The following ASIC2 variants were observed in gnomAD, a reference collection of about 807,000 sequenced individuals.
ASIC2 encodes acid sensing ion channel subunit 2, also known as acid-sensing ion channel 2.
ASIC2 carries 25 observed loss-of-function variants against 57.3 expected under a neutral mutation model. That is an observed-to-expected ratio of 0.44 (90% confidence interval 0.32 to 0.61). The LOEUF (loss-of-function observed/expected upper bound fraction) is 0.61. ASIC2 is among the 20% of genes least tolerant of loss of function. The pLI, the probability that ASIC2 is intolerant of heterozygous loss-of-function variation, is 0.06. For synonymous variants in ASIC2, 319 were observed against 307.5 expected (o/e 1.04, Z -0.39); for missense variants, 641 against 738.1 (o/e 0.87, Z 1.52).
At chr17:34,100,676 C>T (rs1403204613) in intron 1 of ASIC2, among the ~76,000 whole-genome samples, 1 of 152,186 alleles carries the variant, frequency 6.6e-6, no homozygotes, top group African/African-American at 2.4e-5. Flanking sequence ...TGAGGGCTCC[C>T]AGGAACCAAG....
intron 1 of ASIC2, among the ~76,000 whole-genome samples, chr17:33,288,756 ACAC>A (rs1399822460): frequency 1.4e-5 from 2 of 148,010 alleles, no homozygotes; most frequent in East Asian, 2.0e-4. Flanking sequence ...ACACACACAC[ACAC>A]AACTAATATG....
chr17:34,095,635 A>ATATATATATATATATAATTT (rs1910500160), intron 1 of ASIC2, among the ~76,000 whole-genome samples: 4 of 98,024 alleles, frequency 4.1e-5, no homozygotes, highest in Admixed American at 9.8e-5. Context: ...ATATAATTTT[A>ATATATATATATATATAATTT]TATATATATA....
At chr17:33,111,551 G>A (rs1029387041) in intron 2 of ASIC2, among the ~76,000 whole-genome samples, 14 of 152,022 alleles carry the variant, frequency 9.2e-5, no homozygotes, top group African/African-American at 1.9e-4. Context: ...TAATTGGGTC[G>A]GGATATTCAG....
chr17:33,764,482 G>C (rs1414271175), intron 1 of ASIC2, among the ~76,000 whole-genome samples: 2 of 152,130 alleles, frequency 1.3e-5, no homozygotes. Flanking sequence ...TCTTACAGCT[G>C]TGGAGGCTGG....
chr17:33,675,628 G>A (rs1253954971), intron 1 of ASIC2, among the ~76,000 whole-genome samples: 1 of 152,172 alleles, frequency 6.6e-6, no homozygotes, highest in African/African-American at 2.4e-5. Context: ...CTGGAGTGCA[G>A]TGGTGCAATC....
intron 1 of ASIC2, among the ~76,000 whole-genome samples, chr17:33,573,497 G>A (rs2141993464): frequency 6.6e-6 from 1 of 152,260 alleles, no homozygotes; most frequent in South Asian, 2.1e-4. Context: ...TATGCTTCCA[G>A]CACATGTGGG....
intron 1 of ASIC2, among the ~76,000 whole-genome samples, chr17:33,551,208 A>G (rs1483253683): frequency 2.0e-5 from 3 of 152,228 alleles, no homozygotes; most frequent in Admixed American, 2.0e-4. Context: ...ATGTATGCTG[A>G]TCTAGCATTA....
At chr17:33,959,264 A>T (rs199650274) in intron 1 of ASIC2, among the ~76,000 whole-genome samples, 1 of 152,310 alleles carries the variant, frequency 6.6e-6, no homozygotes, top group African/African-American at 2.4e-5. Context: ...CCTGTTACTC[A>T]GTTCCAAAGT....
chr17:33,096,946 G>A (rs1399403354), intron 2 of ASIC2, among the ~76,000 whole-genome samples: 1 of 152,200 alleles, frequency 6.6e-6, no homozygotes, highest in Non-Finnish European at 1.5e-5. Context: ...TCAGAGGCCA[G>A]CTAACCATTT....
In ASIC2 at chr17:33,447,047, G is replaced by A. The variant is rs115438696; in HGVS notation, c.556-334980C>T. ...CCTGCTGCAGACGCTTTGAGCCTGA[G>A]AATAACAGCTAAACAAATTTATGGT... On this transcript the variant is annotated intron_variant, in intron 1 of 9. Coordinates refer to the ASIC2 transcript ENST00000359872. Among the ~76,000 whole-genome samples, 742 of 152,316 alleles carry A rather than the reference G, an allele frequency of 4.9e-3. 3 individuals are homozygous for A. The highest frequency in any genetic ancestry group is 0.017 in the African/African-American group (716 of 41,560).
chr17:33,550,761 G>T (rs1305918866), intron 1 of ASIC2, among the ~76,000 whole-genome samples: 11 of 152,182 alleles, frequency 7.2e-5, no homozygotes, highest in Non-Finnish European at 1.3e-4. Flanking sequence ...TCTAGAGAAG[G>T]TACATTTGCA....
chr17:33,510,776 C>T (rs546882600), intron 1 of ASIC2, among the ~76,000 whole-genome samples: 2 of 152,308 alleles, frequency 1.3e-5, no homozygotes, highest in South Asian at 4.2e-4. Context: ...CCACCCAGTA[C>T]CCTGGGCTCA....
chr17:33,014,982 C>T (rs985913767), intron 9 of ASIC2, among the ~76,000 whole-genome samples: 6 of 152,174 alleles, frequency 3.9e-5, no homozygotes, highest in African/African-American at 9.7e-5. Flanking sequence ...GCCAGGAAGC[C>T]GGAGCCTTAG....
chr17:33,182,600 C>T lies in ASIC2; in HGVS notation c.709-70533G>A, dbSNP rs1261332868. Among the ~76,000 whole-genome samples, 3 of 152,140 alleles carry T rather than the reference C, an allele frequency of 2.0e-5. No individual in the cohort carries two copies. The East Asian group carries it at 5.8e-4, about 29-fold the overall frequency. On this transcript the variant is annotated intron_variant, in intron 1 of 9. Coordinates refer to ENST00000225823, the MANE Select transcript of ASIC2 (RefSeq NM_183377.2). ...TTTAGTACCTTGCTCTCTTCCCTGC[C>T]TGTGTTGAGTACATATTTGAGATTC... is the stretch of plus-strand genomic sequence containing the variant.
Position 33,831,106 on chromosome 17 carries a change from C to CAAAAAAAAAAA in ASIC2, c.555+324861_555+324871dup, listed in dbSNP as rs56841196. On this transcript the variant is annotated intron_variant, in intron 1 of 9. Coordinates refer to the ASIC2 transcript ENST00000359872. ...CCTGGGTGACAGAGTAAGGCTCTGT[C>CAAAAAAAAAAA]AAAAAAAAAAAAAAAAAAAAAAAAA... Among the ~76,000 whole-genome samples, 3 of 22,936 alleles carry CAAAAAAAAAAA rather than the reference C, an allele frequency of 1.3e-4. 1 individual carries two copies. Among genetic ancestry groups the CAAAAAAAAAAA allele is most frequent in the Non-Finnish European group, 2.1e-4 (3 of 14,352 alleles). The allele number at this position is 22,936 out of a possible 152,430, so 15.0% of individuals were successfully genotyped here.
intron 1 of ASIC2, among the ~76,000 whole-genome samples, chr17:34,079,691 A>G (rs904458608): frequency 6.6e-6 from 1 of 152,196 alleles, no homozygotes; most frequent in Admixed American, 6.5e-5. Flanking sequence ...TTGGCACTAG[A>G]ATGAGGTGAG....
intron 1 of ASIC2, among the ~76,000 whole-genome samples, chr17:33,309,242 G>T (rs113773978): frequency 6.6e-6 from 1 of 151,520 alleles, no homozygotes; most frequent in Non-Finnish European, 1.5e-5. Flanking sequence ...GTCAGATGTC[G>T]TAGATTGTCT....
intron 1 of ASIC2, among the ~76,000 whole-genome samples, chr17:33,223,842 G>A (rs1907777468): frequency 6.6e-6 from 1 of 152,180 alleles, no homozygotes; most frequent in East Asian, 1.9e-4. Flanking sequence ...GCTTTGCTAG[G>A]ACCTACATGG....
At chr17:33,522,197 G>A (rs931149870) in intron 1 of ASIC2, among the ~76,000 whole-genome samples, 3 of 152,080 alleles carry the variant, frequency 2.0e-5, no homozygotes, top group Admixed American at 6.6e-5. Context: ...GTACCCCCTC[G>A]TGGGCTCCCC....
Sources: gnomAD v4.1 joint callset for allele counts (sites outside exome capture counted in the v4.1 genomes callset) on GRCh38, gnomAD v4.1.1 for gene constraint, MANE v1.5 for transcripts, NCBI Gene and HGNC (gene_info 2026-07-23, HGNC 2026-07-21) for gene names.